The following SMARCA1 variants were observed in gnomAD, a reference collection of about 807,000 sequenced individuals.
SMARCA1 encodes the protein SNF2 related chromatin remodeling ATPase 1.
SMARCA1 carries 17 observed loss-of-function variants against 93.6 expected under a neutral mutation model. The observed-to-expected ratio is 0.18, with a 90% CI of 0.12 to 0.27. The LOEUF (loss-of-function observed/expected upper bound fraction) is 0.27. Among genes scored for constraint, SMARCA1 ranks in the 10% least tolerant of loss-of-function variants. The pLI is 1.00. For missense variants in SMARCA1, 630 were observed against 819.0 expected (o/e 0.77, Z 2.82); for synonymous variants, 271 against 271.4 (o/e 1.00, Z 0.01).
At chrX:129,497,721 G>A (rs1934390495) in intron 11 of SMARCA1, 124 bp downstream of exon 11, 1 of 471,384 alleles carries the variant, frequency 2.1e-6, no homozygotes, top group African/African-American at 2.4e-5. Flanking sequence ...GACAATTCCT[G>A]GCAAATGGTA....
Position 129,523,258 on chromosome X carries a change from C to T in SMARCA1, c.113G>A (p.Gly38Glu). The change falls in exon 1 of 25, where the codon GGA becomes GAA. Residue 38 changes from glycine (G) to glutamate (E), a missense_variant. Around this residue, in one of 4 missense-constraint regions of SMARCA1, gnomAD observed 103 missense variants for 82.0 expected, o/e 1.26. Coordinates refer to ENST00000371121, the MANE Select transcript of SMARCA1 (RefSeq NM_001282874.2). ...QPGPSTSQEE[G>E]AAAAATEATA... ...GGCTTCGGTGGCCGCGGCGGCCGCT[C>T]CCTCCTCCTGAGAGGTGGACGGCCC... 8.3e-7 allele frequency: 1 copy of T among 1,210,929 alleles called. No homozygotes were observed. The highest frequency in any genetic ancestry group is 1.1e-6 in the Non-Finnish European group (1 of 895,194).
intron 9 of SMARCA1, among the ~76,000 whole-genome samples, chrX:129,504,402 G>A (rs1934693375): frequency 9.1e-6 from 1 of 109,493 alleles, no homozygotes; most frequent in South Asian, 4.0e-4. Flanking sequence ...GTGGCAGTGG[G>A]TGAACTAGGA....
Position 129,498,594 on chromosome X carries a change from C to T in SMARCA1, c.1278-523G>A, listed in dbSNP as rs774290396. The stretch of plus-strand genomic sequence containing the variant: ...CAAGTATCATGTCAAGGGCTTTATA[C>T]GAATTATGCCACTAAATCTTCATAA... On this transcript the variant is annotated intron_variant, in intron 10 of 24. Transcript: ENST00000371121. Among the ~76,000 whole-genome samples, 4 of 110,918 alleles carry T rather than the reference C, an allele frequency of 3.6e-5. No homozygotes were observed. The East Asian group carries it at 8.4e-4, about 23-fold the overall frequency.
intron 9 of SMARCA1, among the ~76,000 whole-genome samples, chrX:129,503,146 T>C (rs1934631316): frequency 8.9e-6 from 1 of 112,018 alleles, no homozygotes; most frequent in Admixed American, 9.5e-5. Flanking sequence ...GATAGAAATC[T>C]TGGGGAGACT....
intron 1 of SMARCA1, among the ~76,000 whole-genome samples, chrX:129,522,923 G>A (rs1447510743): frequency 1.8e-5 from 2 of 111,189 alleles, no homozygotes; most frequent in Admixed American, 1.9e-4. Flanking sequence ...CTGTCGAGGG[G>A]CTCCCGAGCC....
At position 129,480,688 on chromosome X, in the gene SMARCA1, A is replaced by T. The variant is rs1933613660; in HGVS notation, c.2442+13T>A. The stretch of plus-strand genomic sequence containing the variant: ...GATTATATTATATTAATCTTAAAAA[A>T]TGGAAAAAATACCTTATAGCCTATT... On this transcript the variant is annotated intron_variant, in intron 19 of 24. Coordinates refer to ENST00000371121, the MANE Select transcript of SMARCA1 (RefSeq NM_001282874.2). 2.4e-6 allele frequency: 2 copies of T among 842,814 alleles called. No homozygotes were observed. The highest frequency in any genetic ancestry group is 3.2e-6 in the Non-Finnish European group (2 of 620,968). The allele number at this position is 842,814 out of a possible 1,213,427, so 69.5% of individuals were successfully genotyped here.
At chrX:129,452,891 C>T (rs1932378392) in intron 23 of SMARCA1, among the ~76,000 whole-genome samples, 1 of 112,016 alleles carries the variant, frequency 8.9e-6, no homozygotes, top group Non-Finnish European at 1.9e-5. Flanking sequence ...GATATGTTTA[C>T]TTCATGTCTC....
chrX:129,451,852 C>T (rs963625907), intron 23 of SMARCA1, among the ~76,000 whole-genome samples: 55 of 110,350 alleles, frequency 5.0e-4, no homozygotes, highest in African/African-American at 1.5e-3. Context: ...TACAGGCGCC[C>T]GCCACCACAC....
At chrX:129,499,532 T>C (rs772822918) in intron 10 of SMARCA1, among the ~76,000 whole-genome samples, 200 bp downstream of exon 10, 5 of 112,076 alleles carry the variant, frequency 4.5e-5, no homozygotes, top group Admixed American at 1.9e-4. Flanking sequence ...CACAGATCTA[T>C]AGACTCCAAA....
chrX:129,456,613 T>C (rs1932636153), intron 23 of SMARCA1, among the ~76,000 whole-genome samples: 1 of 112,288 alleles, frequency 8.9e-6, no homozygotes. Flanking sequence ...AATGCCAATA[T>C]TAACAAGAGT....
At chrX:129,468,711 A>G (rs1932992703) in intron 21 of SMARCA1, 62 bp downstream of exon 21, 5 of 839,858 alleles carry the variant, frequency 6.0e-6, no homozygotes, top group Non-Finnish European at 8.4e-6. Flanking sequence ...GTACAATTAA[A>G]TTGATGCTAA....
chrX:129,477,440 C>G (rs1485807375), intron 19 of SMARCA1, among the ~76,000 whole-genome samples: 1 of 110,686 alleles, frequency 9.0e-6, no homozygotes, highest in Non-Finnish European at 1.9e-5. Flanking sequence ...GTAGTCCCAG[C>G]TACTTGGGAG....
chrX:129,476,366 T>C lies in SMARCA1; in HGVS notation c.2442+4335A>G, dbSNP rs138744008. Among the ~76,000 whole-genome samples the C allele has an allele frequency of 8.4e-3, 944 of 111,740 alleles. 5 individuals carry two copies. The highest frequency in any genetic ancestry group is 0.029 in the African/African-American group (905 of 30,768). ...GATCTTATTATCAGCAATATTGCTG[T>C]GACCTTGTGCTGAATATGAGGGAGG... On this transcript the variant is annotated intron_variant, in intron 19 of 24. Transcript: ENST00000371121.
At chrX:129,492,582 G>A (rs750389379) in intron 13 of SMARCA1, among the ~76,000 whole-genome samples, 2 of 110,839 alleles carry the variant, frequency 1.8e-5, no homozygotes, top group African/African-American at 3.3e-5. Flanking sequence ...TGAGGGCAAC[G>A]GATAAAGGGG....
chrX:129,484,328 C>G (rs1181396953), intron 17 of SMARCA1, among the ~76,000 whole-genome samples: 2 of 111,458 alleles, frequency 1.8e-5, no homozygotes, highest in Admixed American at 9.6e-5. Flanking sequence ...ATTAGAAAGG[C>G]AATTTCCACC....
intron 19 of SMARCA1, 69 bp from the exon 20 acceptor site, chrX:129,471,395 A>C (rs113944009): frequency 2.9e-6 from 2 of 689,627 alleles, no homozygotes; most frequent in African/African-American, 4.4e-5. Context: ...GTATATACAC[A>C]TATCAATCTT....
Position 129,520,668 on chromosome X carries a change from ACTGATTCTTG to A in SMARCA1, c.175-2231_175-2222del, listed in dbSNP as rs1218710535. Among the ~76,000 whole-genome samples the A allele has an allele frequency of 4.5e-5, 5 of 110,593 alleles. No homozygotes were observed. The Admixed American group carries it at 4.8e-4, about 11-fold the overall frequency. ...AAATGTCTTCCACTGCAGTAGCATC[ACTGATTCTTG>A]GTGTGCACGTGTCATTATTTCCCTC... On this transcript the variant is annotated intron_variant, in intron 1 of 24. Transcript: ENST00000371121.
intron 19 of SMARCA1, among the ~76,000 whole-genome samples, chrX:129,478,959 A>AC (rs1933519228): frequency 9.0e-6 from 1 of 111,597 alleles, no homozygotes; most frequent in African/African-American, 3.3e-5. Context: ...TGAGACCAGG[A>AC]CCCATGGCAA....
chrX:129,461,812 T>C (rs954722159), intron 23 of SMARCA1, among the ~76,000 whole-genome samples: 1 of 112,034 alleles, frequency 8.9e-6, no homozygotes, highest in African/African-American at 3.2e-5. Flanking sequence ...CTTGTTTATG[T>C]AGTTCAATAG....
Sources: allele counts gnomAD v4.1 joint callset (sites outside exome capture counted in the v4.1 genomes callset), GRCh38; gene constraint gnomAD v4.1.1; regional missense constraint gnomAD v4.1.1; transcripts MANE v1.5; gene names NCBI Gene and HGNC (gene_info 2026-07-23, HGNC 2026-07-21).